ALK: variants seen among roughly 807,000 people sequenced by gnomAD.
ALK encodes ALK tyrosine kinase receptor.
A neutral mutation model predicts 163.1 loss-of-function variants in ALK; 74 were observed. The ratio of observed to expected loss-of-function variants is 0.45; its 90% CI spans 0.38 to 0.55. The LOEUF (loss-of-function observed/expected upper bound fraction) is 0.55, where lower values mean the gene tolerates loss of function less well. ALK is among the 20% of genes least tolerant of loss of function. The pLI, the probability that ALK is intolerant of heterozygous loss-of-function variation, is 0.00. For missense variants in ALK, 2,063 were observed against 2,105.3 expected, an observed-to-expected ratio of 0.98 and a Z score of 0.39; for synonymous variants, 960 against 843.2, an observed-to-expected ratio of 1.14 and a Z score of -2.40.
At chr2:29,891,308 A>T (rs554862590) in intron 1 of ALK, among the ~76,000 whole-genome samples, 1 of 152,314 alleles carries the variant, frequency 6.6e-6, no homozygotes, top group Admixed American at 6.5e-5. Flanking sequence ...GTCTTGCAGC[A>T]GATTTTTAAA....
chr2:29,531,297 A>C (rs1054036126), intron 4 of ALK, among the ~76,000 whole-genome samples: 1 of 152,198 alleles, frequency 6.6e-6, no homozygotes, highest in Non-Finnish European at 1.5e-5. Flanking sequence ...CCCTAGTTTA[A>C]GTTTGCTTTC....
At chr2:29,753,142 T>C (rs769387966) in intron 1 of ALK, among the ~76,000 whole-genome samples, 12 of 152,212 alleles carry the variant, frequency 7.9e-5, no homozygotes, top group Admixed American at 1.3e-4. Context: ...CTTCAGAATG[T>C]GCCATAAGAT....
chr2:29,221,292 G>A (rs1228545930), intron 22 of ALK: 1 of 503,284 alleles, frequency 2.0e-6, no homozygotes, highest in African/African-American at 1.9e-5. Flanking sequence ...AAAAGGGGAT[G>A]GCCTCACGAG....
intron 1 of ALK, among the ~76,000 whole-genome samples, chr2:29,821,186 G>C (rs1457138224): frequency 6.6e-6 from 1 of 152,158 alleles, no homozygotes; most frequent in Non-Finnish European, 1.5e-5. Context: ...AGAGGAAGAA[G>C]AGGAAGGTTG....
At chr2:29,249,315 C>T (rs960495147) in intron 12 of ALK, among the ~76,000 whole-genome samples, 3 of 152,126 alleles carry the variant, frequency 2.0e-5, no homozygotes, top group Non-Finnish European at 2.9e-5. Flanking sequence ...GTTTCCTGTG[C>T]GCCTCCCAGC....
chr2:29,329,829 G>A (rs1667386886), intron 5 of ALK, among the ~76,000 whole-genome samples: 1 of 152,174 alleles, frequency 6.6e-6, no homozygotes, highest in African/African-American at 2.4e-5. Context: ...TAGCACATCT[G>A]GCCCTGTGAG....
chr2:29,669,258 C>T (rs1367102097), intron 3 of ALK, among the ~76,000 whole-genome samples: 1 of 151,902 alleles, frequency 6.6e-6, no homozygotes, highest in Non-Finnish European at 1.5e-5. Context: ...TTAGTGTTTG[C>T]TTTATATACT....
chr2:29,583,035 G>GTTTTGTT (rs1553335208), intron 3 of ALK, among the ~76,000 whole-genome samples: 1 of 108,032 alleles, frequency 9.3e-6, no homozygotes, highest in African/African-American at 3.3e-5. Context: ...GCTAACTTTT[G>GTTTTGTT]TTTTTTGTTT....
At chr2:29,635,811 G>A (rs1676506669) in intron 3 of ALK, among the ~76,000 whole-genome samples, 2 of 151,102 alleles carry the variant, frequency 1.3e-5, no homozygotes, top group Non-Finnish European at 2.9e-5. Context: ...AAGTTCTAGG[G>A]TACATGTGAG....
At chr2:29,677,794 G>A (rs1677930329) in intron 3 of ALK, among the ~76,000 whole-genome samples, 1 of 152,064 alleles carries the variant, frequency 6.6e-6, no homozygotes, top group Non-Finnish European at 1.5e-5. Context: ...AATAGTGAGT[G>A]GCCTCATAGA....
intron 5 of ALK, among the ~76,000 whole-genome samples, chr2:29,377,447 C>T (rs1223722665): frequency 6.8e-6 from 1 of 146,686 alleles, no homozygotes. Context: ...TGTACTCCAG[C>T]CTGGGCAACA....
In ALK at chr2:29,736,738, A is replaced by G. The variant is rs144085278; in HGVS notation, c.668-19041T>C. Among the ~76,000 whole-genome samples, 432 of 152,204 alleles carry G rather than the reference A, an allele frequency of 2.8e-3. 8 individuals are homozygous for G. Among genetic ancestry groups the G allele is most frequent in the African/African-American group, 9.9e-3 (410 of 41,480 alleles). ...TCTTGCTGAACACTTTTAAAAATCA[A>G]TGACAAGACATAGAAAAAAATGCTT... On this transcript the variant is annotated intron_variant, in intron 1 of 28. Coordinates refer to ENST00000389048, the MANE Select transcript of ALK (RefSeq NM_004304.5).
intron 3 of ALK, among the ~76,000 whole-genome samples, chr2:29,572,675 C>A (rs1157161149): frequency 6.6e-6 from 1 of 152,210 alleles, no homozygotes; most frequent in Non-Finnish European, 1.5e-5. Context: ...CTACTGTCAT[C>A]CCTTAAAGGT....
chr2:29,716,589 G>T (rs1387252424), intron 2 of ALK, among the ~76,000 whole-genome samples: 1 of 152,154 alleles, frequency 6.6e-6, no homozygotes, highest in Non-Finnish European at 1.5e-5. Context: ...GGGTGGGTAG[G>T]TGGTACCTGG....
intron 3 of ALK, among the ~76,000 whole-genome samples, chr2:29,614,898 G>A (rs941490096): frequency 2.6e-5 from 4 of 152,180 alleles, no homozygotes; most frequent in East Asian, 1.9e-4. Context: ...TCTCCAGCCC[G>A]TATGGTGAAA....
rs1437758932 is a variant in ALK at position 29,209,897 on chromosome 2, C to A, written c.3744-19G>T. On this transcript the variant is annotated intron_variant, in intron 24 of 28. Coordinates refer to ENST00000389048, the MANE Select transcript of ALK (RefSeq NM_004304.5). ...AATGTCTCTGGGAAGAAAGGAAATG[C>A]ATTTCCTAATTTTATCCCTAGGAAG... 3.7e-6 allele frequency: 6 copies of A among 1,603,034 alleles called. No homozygotes were observed. In the African/African-American group the frequency reaches 8.0e-5, roughly 21 times the overall value.
chr2:29,364,092 G>C (rs1222493332), intron 5 of ALK, among the ~76,000 whole-genome samples: 2 of 152,130 alleles, frequency 1.3e-5, no homozygotes, highest in Non-Finnish European at 2.9e-5. Flanking sequence ...GAATATTACT[G>C]TACTAATATT....
At chr2:29,784,514 G>T (rs1028682629) in intron 1 of ALK, among the ~76,000 whole-genome samples, 1 of 152,096 alleles carries the variant, frequency 6.6e-6, no homozygotes, top group African/African-American at 2.4e-5. Context: ...TGGCCAATGT[G>T]GCAAAACCCT....
At position 29,622,372 on chromosome 2, in the gene ALK, T is replaced by C. The variant is rs562472392; in HGVS notation, c.952+72478A>G. ...ATAATGGGAGGCAAAAGGCACTTCT[T>C]ACATGGCAGCGGCAAGAGAAAATAA... On this transcript the variant is annotated intron_variant, in intron 3 of 28. Coordinates refer to ENST00000389048, the MANE Select transcript of ALK (RefSeq NM_004304.5). Among the ~76,000 whole-genome samples the C allele has an allele frequency of 1.5e-4, 23 of 152,250 alleles. 1 individual carries two copies. The highest frequency in any genetic ancestry group is 1.1e-3 in the Admixed American group (17 of 15,282).
Sources: allele counts gnomAD v4.1 joint callset (sites outside exome capture counted in the v4.1 genomes callset), GRCh38; gene constraint gnomAD v4.1.1; transcripts MANE v1.5; gene names NCBI Gene and HGNC (gene_info 2026-07-23, HGNC 2026-07-21).